Variants in KCNK3 observed in about 807,000 individuals in gnomAD.
KCNK3 encodes the protein potassium two pore domain channel subfamily K member 3, also known as potassium channel subfamily K member 3.
Under a neutral mutation model 27.3 loss-of-function variants are expected in KCNK3, and 9 were observed. That is an observed-to-expected ratio of 0.33 (90% CI 0.20 to 0.57). KCNK3 has a LOEUF of 0.57. KCNK3 is among the 20% of genes least tolerant of loss of function. KCNK3 has a pLI of 0.87. For synonymous variants in KCNK3, 278 were observed against 273.8 expected, an observed-to-expected ratio of 1.02 and a Z score of -0.15; for missense variants, 391 against 577.7, an observed-to-expected ratio of 0.68 and a Z score of 3.31.
At chr2:26,694,598 G>A (rs1350764000) in intron 1 of KCNK3, among the ~76,000 whole-genome samples, 1 of 152,114 alleles carries the variant, frequency 6.6e-6, no homozygotes, top group East Asian at 1.9e-4. Context: ...GGGAGTGGAT[G>A]TGGCCCAGCT....
At chr2:26,725,329 G>T (rs192262304) in intron 1 of KCNK3, among the ~76,000 whole-genome samples, 264 of 152,260 alleles carry the variant, frequency 1.7e-3, no homozygotes, top group Non-Finnish European at 2.2e-3. Flanking sequence ...CTGGCGGGCA[G>T]CGAGGGTGGG....
chr2:26,698,501 A>G (rs1482585062), intron 1 of KCNK3, among the ~76,000 whole-genome samples: 2 of 152,270 alleles, frequency 1.3e-5, no homozygotes, highest in Non-Finnish European at 1.5e-5. Context: ...GATCATAAAA[A>G]GAAAGTGCCT....
rs1373606424 is a variant in KCNK3 at position 26,733,284 on chromosome 2, G to A, written c.*4716G>A. 6.6e-6 allele frequency: 1 copy of A among 152,186 alleles called. No individual in the cohort carries two copies. Among genetic ancestry groups the A allele is most frequent in the Non-Finnish European group, 1.5e-5 (1 of 68,044 alleles). The allele number at this position is 152,186 out of a possible 1,614,324, so 9.4% of individuals were successfully genotyped here. A position where few individuals can be genotyped will look rare whatever the true frequency, so the allele number is the denominator to read the frequency against. On this transcript the variant is annotated 3_prime_UTR_variant, in exon 2 of 2. Transcript: ENST00000302909. ...ATGTAACGACAATTCTTTTCAAAAC[G>A]TGTCCCATGGTATGCCTCGTGGAAA...
At chr2:26,702,184 T>C (rs903338735) in intron 1 of KCNK3, among the ~76,000 whole-genome samples, 3 of 152,154 alleles carry the variant, frequency 2.0e-5, no homozygotes, top group African/African-American at 4.8e-5. Context: ...GGCTTACAGA[T>C]AGCCATCTTC....
At chr2:26,709,818 G>C (rs1053422848) in intron 1 of KCNK3, among the ~76,000 whole-genome samples, 1 of 152,262 alleles carries the variant, frequency 6.6e-6, no homozygotes, top group South Asian at 2.1e-4. Flanking sequence ...GATGGGCGCA[G>C]GGCTACTGCC....
chr2:26,728,445 C>T lies in KCNK3; in HGVS notation c.1062C>T (p.Ser354=), dbSNP rs1220323640. Residue 354 remains serine (S), a synonymous_variant, in exon 2 of 2, where the codon AGC becomes AGT. Coordinates refer to ENST00000302909, the MANE Select transcript of KCNK3 (RefSeq NM_002246.3). ...CGCCGGGAGGGGGCGGCCGCTACAG[C>T]GACACGCCCTCGCGACGCTGCCTGT... The part of the protein sequence containing the change: ...HSSPGGGGRY[S]DTPSRRCLCS... 4 of 1,585,026 alleles carry T rather than the reference C, an allele frequency of 2.5e-6. No homozygotes were observed. Among genetic ancestry groups the T allele is most frequent in the East Asian group, 2.3e-5 (1 of 43,568 alleles).
intron 1 of KCNK3, among the ~76,000 whole-genome samples, chr2:26,703,408 C>T (rs1016524400): frequency 6.6e-6 from 1 of 152,184 alleles, no homozygotes; most frequent in African/African-American, 2.4e-5. Context: ...TCACACCACC[C>T]ATATATCCCA....
chr2:26,712,077 T>C (rs1321215347), intron 1 of KCNK3, among the ~76,000 whole-genome samples: 1 of 152,198 alleles, frequency 6.6e-6, no homozygotes, highest in African/African-American at 2.4e-5. Context: ...GGCTGATCTC[T>C]TGCCAATGTT....
At chr2:26,710,254 C>G (rs1418978724) in intron 1 of KCNK3, among the ~76,000 whole-genome samples, 1 of 152,222 alleles carries the variant, frequency 6.6e-6, no homozygotes, top group Non-Finnish European at 1.5e-5. Flanking sequence ...TTGGGCCTAG[C>G]TGGGCTCAGC....
intron 1 of KCNK3, among the ~76,000 whole-genome samples, chr2:26,702,262 T>A (rs1243087241): frequency 1.3e-5 from 2 of 152,108 alleles, no homozygotes; most frequent in Non-Finnish European, 1.5e-5. Context: ...TACCAGACAC[T>A]CACCCTGCTG....
chr2:26,727,581 G>A, intron 1 of KCNK3, 86 bp from the exon 2 acceptor site: 3 of 1,502,146 alleles, frequency 2.0e-6, no homozygotes, highest in Non-Finnish European at 2.7e-6. Context: ...GGGGGAGGTG[G>A]CGGGGCAACG....
At chr2:26,718,701 C>T (rs1055296633) in intron 1 of KCNK3, among the ~76,000 whole-genome samples, 11 of 152,058 alleles carry the variant, frequency 7.2e-5, no homozygotes, top group African/African-American at 2.4e-4. Flanking sequence ...CTCGACCTCC[C>T]GGGCTCAAGG....
intron 1 of KCNK3, among the ~76,000 whole-genome samples, chr2:26,695,298 C>A (rs1670221146): frequency 6.6e-6 from 1 of 152,102 alleles, no homozygotes. Flanking sequence ...CATAGTTCAG[C>A]ACAACCTCAA....
At chr2:26,699,737 C>A (rs764795093) in intron 1 of KCNK3, among the ~76,000 whole-genome samples, 2 of 152,198 alleles carry the variant, frequency 1.3e-5, no homozygotes, top group Non-Finnish European at 2.9e-5. Context: ...GGACAAGTGT[C>A]TGTAACAGGT....
chr2:26,704,439 G>A (rs973775729), intron 1 of KCNK3, among the ~76,000 whole-genome samples: 1 of 152,136 alleles, frequency 6.6e-6, no homozygotes, highest in Non-Finnish European at 1.5e-5. Flanking sequence ...GGGCTCCGAG[G>A]CTTGGCATGG....
Position 26,693,458 on chromosome 2 carries a change from G to T in KCNK3, c.283+300G>T, listed in dbSNP as rs1421916540. Reference sequence around the variant, plus strand: ...TGTGTGAGAGGGGCAGGGACGACCGGCGGAGGCTCGGGCAGGAGGGGTGTG... The same window carrying T: ...TGTGTGAGAGGGGCAGGGACGACCGTCGGAGGCTCGGGCAGGAGGGGTGTG... On this transcript the variant is annotated intron_variant, in intron 1 of 1. Transcript: ENST00000302909. The surrounding 1 kb of genome is among the most constrained non-coding windows in gnomAD (Gnocchi z 5.5). Among the ~76,000 whole-genome samples the T allele has an allele frequency of 6.6e-6, 1 of 152,208 alleles. No homozygotes were observed. The highest frequency in any genetic ancestry group is 2.4e-5 in the African/African-American group (1 of 41,454).
Position 26,692,969 on chromosome 2 carries a change from G to C in KCNK3, c.94G>C (p.Glu32Gln), listed in dbSNP as rs773271941. 1 of 1,568,102 alleles carries C rather than the reference G, an allele frequency of 6.4e-7. No homozygotes were observed. The highest frequency in any genetic ancestry group is 1.2e-5 in the South Asian group (1 of 86,604). The change falls in exon 1 of 2, where the codon GAG becomes CAG. Residue 32 changes from glutamate to glutamine, a missense_variant. Around this residue, in one of 4 missense-constraint regions of KCNK3, gnomAD observed 158 missense variants for 267.7 expected, o/e 0.59. Transcript: ENST00000302909. This position sits in a 1 kb window ranked among gnomAD's most constrained non-coding sequence, Gnocchi z 5.6. Reference protein sequence around the residue: ...GAAVFDALESEPELIERQRLE... With the variant: ...GAAVFDALESQPELIERQRLE... ...CGCGGTCTTCGACGCGCTGGAGTCGGAGCCCGAGCTGATCGAGCGGCAGCG... is the reference window on the plus strand; with the variant it reads ...CGCGGTCTTCGACGCGCTGGAGTCGCAGCCCGAGCTGATCGAGCGGCAGCG...
intron 1 of KCNK3, among the ~76,000 whole-genome samples, chr2:26,722,024 T>C (rs1434407355): frequency 6.6e-6 from 1 of 152,150 alleles, no homozygotes; most frequent in African/African-American, 2.4e-5. Context: ...CAGGAGCGTT[T>C]CCCAAACTGT....
In KCNK3 at chr2:26,722,144, A is replaced by G. The variant is rs115661421; in HGVS notation, c.284-5523A>G. On this transcript the variant is annotated intron_variant, in intron 1 of 1. Transcript: ENST00000302909. ...TGGCCTTGATCGACCTTGCACATGA[A>G]CACATACATAGCCCTGAGAAAGCCT... 6.0e-3 allele frequency among the ~76,000 whole-genome samples: 909 copies of G among 152,362 alleles called. 10 individuals carry two copies. The highest frequency in any genetic ancestry group is 0.014 in the Middle Eastern group (4 of 294).
Sources: allele counts gnomAD v4.1 joint callset (sites outside exome capture counted in the v4.1 genomes callset), GRCh38; gene constraint gnomAD v4.1.1; regional missense constraint gnomAD v4.1.1; non-coding constraint Gnocchi (gnomAD v3.1); transcripts MANE v1.5; gene names NCBI Gene and HGNC (gene_info 2026-07-23, HGNC 2026-07-21).